Variants in SETBP1 observed in about 807,000 individuals in gnomAD.
SETBP1 encodes the protein SET binding protein 1.
In SETBP1, 9 loss-of-function variants were observed where a neutral mutation model predicts 101.0. That is an observed-to-expected ratio of 0.09 (90% CI 0.05 to 0.16). The LOEUF (loss-of-function observed/expected upper bound fraction) is 0.16. Ranked by LOEUF, SETBP1 falls within the 10% of genes least tolerant of loss-of-function variation. The pLI is 1.00. For missense variants in SETBP1, 1,858 were observed against 2,033.8 expected (o/e 0.91, Z 1.66); for synonymous variants, 818 against 788.5 (o/e 1.04, Z -0.63).
chr18:44,756,880 G>A (rs1199551145), intron 2 of SETBP1, among the ~76,000 whole-genome samples: 1 of 152,152 alleles, frequency 6.6e-6, no homozygotes. Context: ...TGTCTCTGGG[G>A]TGAGGACATG....
At chr18:44,684,449 C>T (rs2068805092) in intron 1 of SETBP1, among the ~76,000 whole-genome samples, 1 of 152,076 alleles carries the variant, frequency 6.6e-6, no homozygotes, top group African/African-American at 2.4e-5. Context: ...TTGATGCCCC[C>T]CTGAGATACA....
chr18:44,739,164 T>C (rs188557402), intron 2 of SETBP1, among the ~76,000 whole-genome samples: 70 of 152,318 alleles, frequency 4.6e-4, no homozygotes, highest in African/African-American at 1.7e-3. Flanking sequence ...TGTGAAAACA[T>C]TTGGACCTAC....
intron 4 of SETBP1, among the ~76,000 whole-genome samples, chr18:45,033,081 C>T (rs1545441): frequency 0.024 from 3,664 of 152,198 alleles, 68 homozygotes; most frequent in Non-Finnish European, 0.037. Context: ...TCTATAATGT[C>T]GATTCCCCTT....
At chr18:44,983,218 C>T (rs770848376) in intron 4 of SETBP1, among the ~76,000 whole-genome samples, 3 of 152,090 alleles carry the variant, frequency 2.0e-5, no homozygotes, top group Non-Finnish European at 4.4e-5. Context: ...TTCAAGCAGA[C>T]AGATTTTGTG....
intron 4 of SETBP1, among the ~76,000 whole-genome samples, chr18:44,983,587 A>C (rs949459970): frequency 1.3e-5 from 2 of 152,162 alleles, no homozygotes; most frequent in South Asian, 2.1e-4. Context: ...TTCAAGTCTC[A>C]TTTTCAGTCC....
intron 4 of SETBP1, among the ~76,000 whole-genome samples, chr18:44,995,302 C>T (rs958407743): frequency 6.6e-6 from 1 of 151,752 alleles, no homozygotes; most frequent in Non-Finnish European, 1.5e-5. Flanking sequence ...CCACCATGCC[C>T]GACTAATTTT....
chr18:44,772,977 A>G (rs1203653098), intron 2 of SETBP1, among the ~76,000 whole-genome samples: 1 of 152,132 alleles, frequency 6.6e-6, no homozygotes, highest in Non-Finnish European at 1.5e-5. Context: ...TTGTATAGAA[A>G]TATCTAGCAA....
chr18:44,856,593 C>G (rs1372370174), intron 2 of SETBP1, among the ~76,000 whole-genome samples: 1 of 152,190 alleles, frequency 6.6e-6, no homozygotes, highest in East Asian at 1.9e-4. Flanking sequence ...TGAAATAGGA[C>G]AAGACTCCCT....
chr18:45,063,535 CT>C lies in SETBP1; in HGVS notation c.4629del (p.Leu1544TyrfsTer36). On this transcript the variant is annotated frameshift_variant, in exon 6 of 6. Coordinates refer to ENST00000649279, the MANE Select transcript of SETBP1 (RefSeq NM_015559.3). LOFTEE classifies it high-confidence loss of function. Reference protein sequence around the residue: ...PPPPPLPPPPPLPKTPRGGKR... With the variant: ...PPPPPLPPPPXLPKTPRGGKR... ...CCACCACCCCTGCCCCCGCCACCCC[CT>C]CTACCCAAGACCCCCCGAGGCGGAA... The C allele has an allele frequency of 7.0e-7, 1 of 1,432,556 alleles. No individual in the cohort carries two copies. The highest frequency in any genetic ancestry group is 9.3e-7 in the Non-Finnish European group (1 of 1,079,308). 88.7% of individuals were successfully genotyped at this position (1,432,556 alleles called of 1,614,324 possible).
intron 5 of SETBP1, among the ~76,000 whole-genome samples, chr18:45,062,284 G>A (rs1433824031): frequency 6.6e-6 from 1 of 152,162 alleles, no homozygotes; most frequent in African/African-American, 2.4e-5. Context: ...CTTTGCAAAC[G>A]CCAGCCTGGT....
intron 2 of SETBP1, among the ~76,000 whole-genome samples, chr18:44,777,362 G>A (rs2144663596): frequency 6.6e-6 from 1 of 152,308 alleles, no homozygotes. Context: ...ACTCAACTCA[G>A]TCTTTCTCTG....
chr18:44,818,994 C>CTGTG (rs1389774703), intron 2 of SETBP1, among the ~76,000 whole-genome samples: 9 of 92,832 alleles, frequency 9.7e-5, no homozygotes, highest in Non-Finnish European at 2.0e-4. Context: ...GTGTGTGTGT[C>CTGTG]TGTGTGTGTG....
At chr18:44,947,518 G>T (rs555015781) in intron 3 of SETBP1, among the ~76,000 whole-genome samples, 74 of 120,466 alleles carry the variant, frequency 6.1e-4, no homozygotes, top group Middle Eastern at 4.5e-3. Flanking sequence ...TTTTTTTTGA[G>T]ACGGAGTTTC....
At chr18:44,877,868 A>G (rs181596904) in intron 3 of SETBP1, among the ~76,000 whole-genome samples, 13 of 152,236 alleles carry the variant, frequency 8.5e-5, no homozygotes, top group Non-Finnish European at 1.9e-4. Context: ...TGAAGTCTTA[A>G]TAAGTTCTCC....
At chr18:44,819,108 C>G (rs1363765697) in intron 2 of SETBP1, among the ~76,000 whole-genome samples, 1 of 151,930 alleles carries the variant, frequency 6.6e-6, no homozygotes, top group Non-Finnish European at 1.5e-5. Flanking sequence ...GAGATTGTTT[C>G]ATTCAGACAG....
chr18:44,953,667 A>G (rs1328022086), intron 4 of SETBP1, among the ~76,000 whole-genome samples: 1 of 152,230 alleles, frequency 6.6e-6, no homozygotes, highest in Non-Finnish European at 1.5e-5. Context: ...CTAATGGTAC[A>G]GTTTGCTGTT....
intron 2 of SETBP1, among the ~76,000 whole-genome samples, chr18:44,706,784 G>T (rs1339683332): frequency 6.6e-6 from 1 of 151,988 alleles, no homozygotes; most frequent in Non-Finnish European, 1.5e-5. Context: ...GTGACTCAGG[G>T]TAGGAGATGT....
chr18:44,877,568 C>T (rs1340361863), intron 3 of SETBP1, among the ~76,000 whole-genome samples: 1 of 152,156 alleles, frequency 6.6e-6, no homozygotes, highest in Admixed American at 6.5e-5. Context: ...TCTCATAATT[C>T]CTAAGGAAAC....
chr18:44,800,946 C>T (rs2071594545), intron 2 of SETBP1, among the ~76,000 whole-genome samples: 1 of 152,128 alleles, frequency 6.6e-6, no homozygotes. Context: ...GAATACTATG[C>T]AGCCATAAAA....
Sources: allele counts gnomAD v4.1 joint callset (sites outside exome capture counted in the v4.1 genomes callset), GRCh38; gene constraint gnomAD v4.1.1; transcripts MANE v1.5; gene names NCBI Gene and HGNC (gene_info 2026-07-23, HGNC 2026-07-21).